Variants in GC observed in about 807,000 individuals in gnomAD.
GC encodes the protein vitamin D-binding protein.
In GC, 43 loss-of-function variants were observed where a neutral mutation model predicts 56.7. The ratio of observed to expected loss-of-function variants is 0.76; its 90% CI spans 0.59 to 0.98. The LOEUF is 0.98. Among genes scored for constraint, GC ranks in the 50% least tolerant of loss-of-function variants. The probability of loss-of-function intolerance (pLI) is 0.00; values close to 1 mark genes in which losing one functional copy is unlikely to be tolerated. For missense variants in GC, 529 were observed against 545.9 expected (o/e 0.97, Z 0.31); for synonymous variants, 216 against 202.7 (o/e 1.07, Z -0.56).
intron 1 of GC, among the ~76,000 whole-genome samples, chr4:71,769,854 G>T (rs1322367672): frequency 2.0e-5 from 3 of 152,092 alleles, no homozygotes; most frequent in African/African-American, 7.2e-5. Context: ...ATTGGAGACT[G>T]TCTCCACTCC....
In GC at chr4:71,745,245, T is replaced by C. The variant is rs117404277; in HGVS notation, c.*25+906A>G. On this transcript the variant is annotated intron_variant, in intron 12 of 12. Transcript: ENST00000273951. ...AGACAGATAGTTAGAGTGGGGATTC[T>C]AATTCAGGTTGGGTGATTTCAAATA... 2.1e-4 allele frequency among the ~76,000 whole-genome samples: 32 copies of C among 152,362 alleles called. No homozygotes were observed. The East Asian group carries it at 5.0e-3, about 24-fold the overall frequency.
chr4:71,799,055 C>T (rs929067194), intron 1 of GC, among the ~76,000 whole-genome samples: 1 of 152,076 alleles, frequency 6.6e-6, no homozygotes. Flanking sequence ...AAAGAAACCC[C>T]GTAGTTCCCC....
chr4:71,778,759 C>T (rs1266166856), intron 1 of GC, among the ~76,000 whole-genome samples: 1 of 151,718 alleles, frequency 6.6e-6, no homozygotes, highest in Non-Finnish European at 1.5e-5. Flanking sequence ...ATACAGACCA[C>T]CTGGATTTGA....
chr4:71,754,214 CT>C (rs1444744657), intron 10 of GC, among the ~76,000 whole-genome samples, 196 bp downstream of exon 10: 1 of 152,158 alleles, frequency 6.6e-6, no homozygotes, highest in African/African-American at 2.4e-5. Flanking sequence ...CTCTCCTACC[CT>C]CCCACCTTTT....
At chr4:71,777,482 A>G (rs1250365637) in intron 1 of GC, among the ~76,000 whole-genome samples, 6 of 151,350 alleles carry the variant, frequency 4.0e-5, no homozygotes, top group East Asian at 3.9e-4. Context: ...TTACATTCCA[A>G]TTGCCACCAG....
intron 1 of GC, among the ~76,000 whole-genome samples, chr4:71,797,182 C>T (rs1445746771): frequency 2.0e-5 from 3 of 152,244 alleles, no homozygotes; most frequent in African/African-American, 7.2e-5. Context: ...ATTCTCAGAG[C>T]TCACATGCCA....
chr4:71,792,470 G>A (rs1481655232), intron 1 of GC, among the ~76,000 whole-genome samples: 1 of 152,174 alleles, frequency 6.6e-6, no homozygotes, highest in Admixed American at 6.5e-5. Flanking sequence ...TTTAAGAAGT[G>A]TCTGTTCATA....
chr4:71,748,654 G>T (rs1741453572), intron 11 of GC, among the ~76,000 whole-genome samples: 1 of 151,928 alleles, frequency 6.6e-6, no homozygotes, highest in Non-Finnish European at 1.5e-5. Context: ...GTCTTTTTTG[G>T]CATAAACAAA....
chr4:71,746,229 T>C (rs374292547), intron 11 of GC, 24 bp from the exon 12 acceptor site: 70 of 1,107,172 alleles, frequency 6.3e-5, no homozygotes, highest in Non-Finnish European at 9.1e-5. Flanking sequence ...AAGAATGTTA[T>C]ATAACTTATG....
At chr4:71,750,741 T>C (rs1354048007) in intron 11 of GC, among the ~76,000 whole-genome samples, 20 of 151,740 alleles carry the variant, frequency 1.3e-4, no homozygotes, top group Non-Finnish European at 1.0e-4. Context: ...AAAAATTAGC[T>C]GGGCGTGGTG....
chr4:71,797,179 G>GA (rs1270639496), intron 1 of GC, among the ~76,000 whole-genome samples: 1 of 152,246 alleles, frequency 6.6e-6, no homozygotes, highest in Non-Finnish European at 1.5e-5. Flanking sequence ...TCCATTCTCA[G>GA]AGCTCACATG....
At chr4:71,766,968 A>G (rs556201443) in intron 3 of GC, among the ~76,000 whole-genome samples, 2 of 152,314 alleles carry the variant, frequency 1.3e-5, no homozygotes, top group African/African-American at 4.8e-5. Context: ...GACAGATCAT[A>G]TCTCTGATCA....
At chr4:71,797,207 C>G (rs1390574508) in intron 1 of GC, among the ~76,000 whole-genome samples, 2 of 152,236 alleles carry the variant, frequency 1.3e-5, no homozygotes, top group Non-Finnish European at 2.9e-5. Flanking sequence ...GGGAGAACTA[C>G]TACTGTCTTC....
intron 1 of GC, among the ~76,000 whole-genome samples, chr4:71,792,175 A>G (rs561476950): frequency 6.6e-6 from 1 of 152,346 alleles, no homozygotes; most frequent in East Asian, 1.9e-4. Context: ...CTTTGGGTAT[A>G]TACCCAGTAA....
At chr4:71,791,826 C>T (rs921793136) in intron 1 of GC, among the ~76,000 whole-genome samples, 2 of 152,130 alleles carry the variant, frequency 1.3e-5, no homozygotes, top group Non-Finnish European at 2.9e-5. Context: ...AACCCCTACT[C>T]CCTGACAGGC....
intron 5 of GC, 73 bp from the exon 6 acceptor site, chr4:71,763,575 G>A (rs1270752919): frequency 6.8e-6 from 6 of 876,932 alleles, no homozygotes; most frequent in African/African-American, 1.7e-5. Flanking sequence ...CAAAAATAGG[G>A]ACTATTAATT....
chr4:71,750,936 T>C (rs370474133), intron 11 of GC, among the ~76,000 whole-genome samples: 5 of 152,086 alleles, frequency 3.3e-5, no homozygotes, highest in East Asian at 3.9e-4. Flanking sequence ...CTAATTCTAA[T>C]TGGCATGAAA....
At chr4:71,803,310 A>T (rs1743294008) in intron 1 of GC, among the ~76,000 whole-genome samples, 1 of 152,078 alleles carries the variant, frequency 6.6e-6, no homozygotes, top group South Asian at 2.1e-4. Flanking sequence ...TAACAGAAAA[A>T]TTGTTTTTAT....
At chr4:71,743,274 G>T (rs891986058) in intron 12 of GC, among the ~76,000 whole-genome samples, 9 of 152,148 alleles carry the variant, frequency 5.9e-5, no homozygotes, top group South Asian at 2.1e-4. Flanking sequence ...AGGCTTAAAT[G>T]GAAATGAAAC....
Sources: allele counts gnomAD v4.1 joint callset (sites outside exome capture counted in the v4.1 genomes callset), GRCh38; gene constraint gnomAD v4.1.1; transcripts MANE v1.5; gene names NCBI Gene and HGNC (gene_info 2026-07-23, HGNC 2026-07-21).